The following ULK4 variants were observed in gnomAD, a reference collection of about 807,000 sequenced individuals.
ULK4 encodes the protein inactive serine/threonine-protein kinase ULK4.
A neutral mutation model predicts 160.6 loss-of-function variants in ULK4; 133 were observed. The observed-to-expected ratio is 0.83, with a 90% CI of 0.72 to 0.96. The LOEUF is 0.96. Among genes scored for constraint, ULK4 ranks in the 40% least tolerant of loss-of-function variants. The pLI, the probability that ULK4 is intolerant of heterozygous loss-of-function variation, is 0.00. For synonymous variants in ULK4, 534 were observed against 539.8 expected, an observed-to-expected ratio of 0.99 and a Z score of 0.15; for missense variants, 1,580 against 1,499.5, an observed-to-expected ratio of 1.05 and a Z score of -0.89.
At chr3:41,922,571 AG>A (rs1380988891) in intron 5 of ULK4, among the ~76,000 whole-genome samples, 1 of 122,852 alleles carries the variant, frequency 8.1e-6, no homozygotes, top group Non-Finnish European at 1.6e-5. Context: ...TCGTGAAGAC[AG>A]GGTGTTGCTG....
chr3:41,932,119 AACTC>A, intron 4 of ULK4, 113 bp from the exon 5 acceptor site: 3 of 865,614 alleles, frequency 3.5e-6, no homozygotes, highest in Non-Finnish European at 4.9e-6. Context: ...TCTTTATCAG[AACTC>A]AGAAAAATAA....
In ULK4 at chr3:41,800,167, A is replaced by G; in HGVS notation, c.1975T>C (p.Ser659Pro). 1 of 1,613,194 alleles carries G rather than the reference A, an allele frequency of 6.2e-7. No homozygotes were observed. The highest frequency in any genetic ancestry group is 8.5e-7 in the Non-Finnish European group (1 of 1,179,738). ...GTTATCCTAAGAGAATCAGCAGTGG[A>G]GTGTCTGAATAGGTACCACAAAATG... ...GPILWYLFRH[S>P]TADSLRITAV... The change falls in exon 20 of 37, where the codon TCC (serine) becomes CCC (proline). Residue 659 changes from serine (S) to proline (P), a missense_variant. By Grantham distance (74) the Ser-to-Pro change is moderately conservative. Transcript: ENST00000301831.
chr3:41,279,255 T>TAAAAAAAAAAAAAAAAAA (rs771175184), intron 35 of ULK4, among the ~76,000 whole-genome samples: 3 of 43,070 alleles, frequency 7.0e-5, no homozygotes, highest in African/African-American at 2.5e-4. Context: ...AAAAAAAGAG[T>TAAAAAAAAAAAAAAAAAA]AAAAAAAAAA....
chr3:41,455,468 C>T (rs747738746), intron 34 of ULK4, 29 bp downstream of exon 34: 14 of 1,587,626 alleles, frequency 8.8e-6, no homozygotes, highest in Middle Eastern at 1.7e-4. Flanking sequence ...TTCAGTAATG[C>T]CCCAAAAGAC....
At chr3:41,357,140 C>T (rs976828719) in intron 35 of ULK4, among the ~76,000 whole-genome samples, 6 of 152,142 alleles carry the variant, frequency 3.9e-5, no homozygotes, top group Non-Finnish European at 7.4e-5. Context: ...GAAGCTTGGA[C>T]TATGTGAGGA....
chr3:41,954,903 A>T, intron 1 of ULK4, 96 bp from the exon 2 acceptor site: 1 of 761,388 alleles, frequency 1.3e-6, no homozygotes, highest in Non-Finnish European at 2.0e-6. Flanking sequence ...TGTGTAAAAA[A>T]TCTAGCAAAT....
chr3:41,396,414 T>C lies in ULK4; in HGVS notation c.3678+1665A>G, dbSNP rs547946045. 2.6e-5 allele frequency among the ~76,000 whole-genome samples: 4 copies of C among 152,216 alleles called. No individual in the cohort carries two copies. In the East Asian group the frequency reaches 7.8e-4, roughly 30 times the overall value. On this transcript the variant is annotated intron_variant, in intron 35 of 36. Coordinates refer to ENST00000301831, the MANE Select transcript of ULK4 (RefSeq NM_017886.4). Reference sequence around the variant, plus strand: ...TTAACCATATCAGATATCAGACCAATATTTTCCAAGCTTCTGACATTCTCT... The same window carrying C: ...TTAACCATATCAGATATCAGACCAACATTTTCCAAGCTTCTGACATTCTCT...
chr3:41,260,148 G>A (rs2078913500), intron 35 of ULK4: 1 of 152,204 alleles, frequency 6.6e-6, no homozygotes, highest in African/African-American at 2.4e-5. Flanking sequence ...TTCAGCTGGG[G>A]TTTTCATGCT....
At chr3:41,379,657 C>T (rs2081603051) in intron 35 of ULK4, among the ~76,000 whole-genome samples, 2 of 152,160 alleles carry the variant, frequency 1.3e-5, no homozygotes, top group African/African-American at 2.4e-5. Flanking sequence ...CCTAAATGTT[C>T]TAAGCAGAAA....
At chr3:41,462,990 G>C in intron 33 of ULK4, 97 bp downstream of exon 33, 1 of 1,393,548 alleles carries the variant, frequency 7.2e-7, no homozygotes, top group Non-Finnish European at 9.7e-7. Context: ...TTTTAAATAA[G>C]TAAAGACACA....
At chr3:41,751,925 C>T (rs2038645318) in intron 22 of ULK4, among the ~76,000 whole-genome samples, 1 of 152,106 alleles carries the variant, frequency 6.6e-6, no homozygotes, top group Non-Finnish European at 1.5e-5. Flanking sequence ...AACCATGGGG[C>T]TCAAATGGAG....
chr3:41,252,055 T>G (rs1259426062), intron 35 of ULK4, among the ~76,000 whole-genome samples: 2 of 152,196 alleles, frequency 1.3e-5, no homozygotes, highest in South Asian at 4.1e-4. Context: ...ACACACCAGA[T>G]AGATGCACAT....
chr3:41,931,282 G>A (rs1388270870), intron 5 of ULK4, among the ~76,000 whole-genome samples: 5 of 151,972 alleles, frequency 3.3e-5, no homozygotes, highest in Non-Finnish European at 5.9e-5. Flanking sequence ...GTTGAACAAT[G>A]AGAACACATG....
At chr3:41,573,480 T>C (rs1215161240) in intron 31 of ULK4, among the ~76,000 whole-genome samples, 1 of 152,146 alleles carries the variant, frequency 6.6e-6, no homozygotes, top group Non-Finnish European at 1.5e-5. Flanking sequence ...AGGTAGAAAA[T>C]ACCTTTAACA....
intron 32 of ULK4, among the ~76,000 whole-genome samples, chr3:41,490,213 G>A (rs1016872180): frequency 1.3e-4 from 20 of 152,022 alleles, no homozygotes; most frequent in Non-Finnish European, 2.1e-4. Flanking sequence ...ACATGATTGG[G>A]GCAGCTAATC....
chr3:41,319,694 A>C (rs2080211983), intron 35 of ULK4, among the ~76,000 whole-genome samples: 1 of 152,226 alleles, frequency 6.6e-6, no homozygotes, highest in Non-Finnish European at 1.5e-5. Flanking sequence ...TACTTTTCTA[A>C]ATACTTTATA....
intron 32 of ULK4, among the ~76,000 whole-genome samples, chr3:41,482,229 C>T (rs539358373): frequency 8.3e-4 from 126 of 152,226 alleles, no homozygotes; most frequent in Admixed American, 1.4e-3. Context: ...CCAGTCTGCA[C>T]GAGGGCACTG....
At chr3:41,720,548 G>A (rs1446040224) in intron 22 of ULK4, among the ~76,000 whole-genome samples, 6 of 151,934 alleles carry the variant, frequency 3.9e-5, no homozygotes, top group African/African-American at 9.7e-5. Flanking sequence ...TGTGCCCCCA[G>A]ATAATAATTA....
At chr3:41,378,089 T>G (rs900617259) in intron 35 of ULK4, among the ~76,000 whole-genome samples, 1 of 149,846 alleles carries the variant, frequency 6.7e-6, no homozygotes, top group Admixed American at 6.7e-5. Context: ...ATGGATGAAA[T>G]TGGAAATCAT....
Sources: gnomAD v4.1 joint callset for allele counts (sites outside exome capture counted in the v4.1 genomes callset) on GRCh38, gnomAD v4.1.1 for gene constraint, MANE v1.5 for transcripts, NCBI Gene and HGNC (gene_info 2026-07-23, HGNC 2026-07-21) for gene names.